Variants in ARHGEF38 observed in about 807,000 individuals in gnomAD.
ARHGEF38 encodes the protein Rho guanine nucleotide exchange factor 38.
Under a neutral mutation model 79.9 loss-of-function variants are expected in ARHGEF38, and 79 were observed. The ratio of observed to expected loss-of-function variants is 0.99; its 90% CI spans 0.82 to 1.19. The LOEUF (loss-of-function observed/expected upper bound fraction) is 1.19, where lower values mean the gene tolerates loss of function less well. Ranked by LOEUF, ARHGEF38 falls within the 50% of genes most tolerant of loss-of-function variation. The probability of loss-of-function intolerance (pLI) is 0.00; values close to 1 mark genes in which losing one functional copy is unlikely to be tolerated. For missense variants in ARHGEF38, 962 were observed against 907.2 expected (o/e 1.06, Z -0.78); for synonymous variants, 366 against 328.3 (o/e 1.11, Z -1.24).
intron 1 of ARHGEF38, among the ~76,000 whole-genome samples, chr4:105,574,697 T>C (rs1726403076): frequency 6.6e-6 from 1 of 152,176 alleles, no homozygotes; most frequent in African/African-American, 2.4e-5. Context: ...AGGCGGTTTC[T>C]TTCTATCCCT....
At chr4:105,564,212 G>A (rs1422448831) in intron 1 of ARHGEF38, among the ~76,000 whole-genome samples, 2 of 152,114 alleles carry the variant, frequency 1.3e-5, no homozygotes, top group African/African-American at 2.4e-5. Context: ...TTTCAGTATT[G>A]CTCTTTGAAA....
At chr4:105,617,547 G>T (rs887169413) in intron 3 of ARHGEF38, among the ~76,000 whole-genome samples, 6 of 152,132 alleles carry the variant, frequency 3.9e-5, no homozygotes. Context: ...GGAAATGTTT[G>T]ATTCTTTGAA....
rs72969224 is a variant in ARHGEF38, at chr4:105,637,449, C to T, written c.674+1029C>T. Among the ~76,000 whole-genome samples, 1,232 of 152,050 alleles carry T rather than the reference C, an allele frequency of 8.1e-3. 13 individuals carry two copies. Among genetic ancestry groups the T allele is most frequent in the African/African-American group, 0.027 (1,129 of 41,452 alleles). ...TCTTTTTTCAAAAGGAAAAACTATC[C>T]GACAGTATAAACAGATATGAGTAGA... On this transcript the variant is annotated intron_variant, in intron 5 of 13. Coordinates refer to ENST00000420470, the MANE Select transcript of ARHGEF38 (RefSeq NM_001242729.2).
intron 4 of ARHGEF38, chr4:105,631,677 T>G: frequency 1.0e-6 from 1 of 978,964 alleles, no homozygotes; most frequent in Non-Finnish European, 1.2e-6. Context: ...CCCTTGCTAT[T>G]TCACTATTAG....
At chr4:105,556,262 G>A (rs1725246138) in intron 1 of ARHGEF38, among the ~76,000 whole-genome samples, 2 of 152,100 alleles carry the variant, frequency 1.3e-5, no homozygotes, top group Non-Finnish European at 2.9e-5. Flanking sequence ...ACAATGAACA[G>A]CAAAAACAGA....
chr4:105,603,777 C>G (rs1028150640), intron 2 of ARHGEF38, among the ~76,000 whole-genome samples: 3 of 152,172 alleles, frequency 2.0e-5, no homozygotes, highest in African/African-American at 7.2e-5. Flanking sequence ...ACAGATTCAT[C>G]CCAACATAGC....
intron 1 of ARHGEF38, among the ~76,000 whole-genome samples, chr4:105,571,559 GTGA>G (rs1726235585): frequency 6.6e-6 from 1 of 152,000 alleles, no homozygotes; most frequent in Non-Finnish European, 1.5e-5. Context: ...CTGACCTCAG[GTGA>G]TCCGCCCGCC....
intron 1 of ARHGEF38, among the ~76,000 whole-genome samples, chr4:105,567,392 C>T (rs1449790144): frequency 1.3e-5 from 2 of 152,144 alleles, no homozygotes; most frequent in Non-Finnish European, 2.9e-5. Flanking sequence ...TATGTCAAAA[C>T]ATTAAAGCAG....
chr4:105,586,971 A>C (rs1727083243), intron 1 of ARHGEF38, among the ~76,000 whole-genome samples: 2 of 149,706 alleles, frequency 1.3e-5, no homozygotes, highest in South Asian at 4.2e-4. Context: ...CATCTTGAAT[A>C]TACACATTTT....
At chr4:105,648,740 T>C in intron 7 of ARHGEF38, 58 bp downstream of exon 7, 1 of 1,448,330 alleles carries the variant, frequency 6.9e-7, no homozygotes, top group East Asian at 2.5e-5. Context: ...GCAGATATTT[T>C]TGTGAGGTTT....
intron 2 of ARHGEF38, among the ~76,000 whole-genome samples, chr4:105,610,875 C>T (rs11946424): frequency 0.019 from 2,876 of 152,000 alleles, 72 homozygotes; most frequent in African/African-American, 0.058. Flanking sequence ...AAACTGACCT[C>T]GGGAAATAAA....
chr4:105,600,869 G>A (rs1727791499), intron 2 of ARHGEF38, among the ~76,000 whole-genome samples: 1 of 152,080 alleles, frequency 6.6e-6, no homozygotes, highest in Non-Finnish European at 1.5e-5. Flanking sequence ...TCCCATATCA[G>A]ATCGATCAGC....
In ARHGEF38 at chr4:105,631,507, C is replaced by A. The variant is rs190186488; in HGVS notation, c.656+462C>A. Reference sequence around the variant, plus strand: ...GGGAGATGGGTGAAGACAAGTCAGGCCTTGTTAAAGTTAGTTTCAGAACAA... The same window carrying A: ...GGGAGATGGGTGAAGACAAGTCAGGACTTGTTAAAGTTAGTTTCAGAACAA... On this transcript the variant is annotated intron_variant, in intron 4 of 13. Coordinates refer to ENST00000420470, the MANE Select transcript of ARHGEF38 (RefSeq NM_001242729.2). The A allele has an allele frequency of 1.7e-4, 169 of 985,472 alleles. 1 individual carries two copies. The highest frequency in any genetic ancestry group is 4.0e-5 in the Non-Finnish European group (33 of 830,042). The allele number at this position is 985,472 out of a possible 1,614,324, so 61.0% of individuals were successfully genotyped here. A position where few individuals can be genotyped will look rare whatever the true frequency, so the allele number is the denominator to read the frequency against.
At chr4:105,656,930 A>G (rs1730350873) in intron 9 of ARHGEF38, among the ~76,000 whole-genome samples, 1 of 152,126 alleles carries the variant, frequency 6.6e-6, no homozygotes, top group Non-Finnish European at 1.5e-5. Context: ...TCAGGCTTAC[A>G]TCTGAGCTAA....
chr4:105,663,082 A>G lies in ARHGEF38; in HGVS notation c.1546-3095A>G, dbSNP rs973553458. 2.6e-5 allele frequency among the ~76,000 whole-genome samples: 4 copies of G among 152,268 alleles called. No individual in the cohort carries two copies. In the East Asian group the frequency reaches 7.7e-4, roughly 29 times the overall value. On this transcript the variant is annotated intron_variant, in intron 10 of 13. Coordinates refer to ENST00000420470, the MANE Select transcript of ARHGEF38 (RefSeq NM_001242729.2). ...AGATTCATATGCAGTGGTAAGAAGT[A>G]TTACGGAGATCCTGTACAACCCTCA...
chr4:105,597,925 C>G (rs1457441895), intron 2 of ARHGEF38, among the ~76,000 whole-genome samples: 1 of 151,946 alleles, frequency 6.6e-6, no homozygotes, highest in African/African-American at 2.4e-5. Flanking sequence ...TTAAATTATC[C>G]TTTTAAATAC....
rs1406541457 is a variant in ARHGEF38, at chr4:105,659,051, C to A, written c.1234-3C>A. ...GAAATGGGCTCATTTTTTCTTTTGG[C>A]AGGCATCTCACTTACAGAGACTCAT... On this transcript the variant is annotated splice_region_variant and splice_polypyrimidine_tract_variant and intron_variant, in intron 9 of 13. Coordinates refer to ENST00000420470, the MANE Select transcript of ARHGEF38 (RefSeq NM_001242729.2). 8 of 1,523,276 alleles carry A rather than the reference C, an allele frequency of 5.3e-6. No homozygotes were observed. In the South Asian group the frequency reaches 8.5e-5, roughly 16 times the overall value. The allele number at this position is 1,523,276 out of a possible 1,614,324, so 94.4% of individuals were successfully genotyped here. A position where few individuals can be genotyped will look rare whatever the true frequency, so the allele number is the denominator to read the frequency against.
chr4:105,552,899 A>T lies in ARHGEF38; in HGVS notation c.134A>T (p.Asp45Val). Residue 45 changes from aspartate (D) to valine (V), a missense_variant, in exon 1 of 14, where the codon GAC becomes GTC. By Grantham distance (152) the Asp-to-Val change is radical (BLOSUM62 -3). Coordinates refer to ENST00000420470, the MANE Select transcript of ARHGEF38 (RefSeq NM_001242729.2). The stretch of plus-strand genomic sequence containing the variant: ...GTGGTTGAGAGCAGTGTTTCTGGGG[A>T]CCACTCTGGCACCTTGAGGAGGAGC... The part of the protein sequence containing the change: ...DTVVESSVSG[D>V]HSGTLRRSQS... 1 of 1,613,920 alleles carries T rather than the reference A, an allele frequency of 6.2e-7. No individual in the cohort carries two copies. The highest frequency in any genetic ancestry group is 8.5e-7 in the Non-Finnish European group (1 of 1,179,872).
chr4:105,577,736 CA>C (rs1185674277), intron 1 of ARHGEF38, among the ~76,000 whole-genome samples: 4 of 152,078 alleles, frequency 2.6e-5, no homozygotes, highest in Non-Finnish European at 5.9e-5. Context: ...ACAGTACTCT[CA>C]AATGATCATT....
Sources: gnomAD v4.1 joint callset for allele counts (sites outside exome capture counted in the v4.1 genomes callset) on GRCh38, gnomAD v4.1.1 for gene constraint, MANE v1.5 for transcripts, NCBI Gene and HGNC (gene_info 2026-07-23, HGNC 2026-07-21) for gene names.